Variants in USP7 observed in about 807,000 individuals in gnomAD.
USP7 encodes the protein ubiquitin C-terminal hydrolase 7.
A neutral mutation model predicts 162.9 loss-of-function variants in USP7; 9 were observed. That is an observed-to-expected ratio of 0.06 (90% confidence interval 0.03 to 0.10). USP7 has a LOEUF of 0.10. Among genes scored for constraint, USP7 ranks in the 10% least tolerant of loss-of-function variants. The pLI, the probability that USP7 is intolerant of heterozygous loss-of-function variation, is 1.00. For synonymous variants in USP7, 562 were observed against 475.9 expected, an observed-to-expected ratio of 1.18 and a Z score of -2.35; for missense variants, 715 against 1,373.7, an observed-to-expected ratio of 0.52 and a Z score of 7.58.
At chr16:8,947,548 A>G (rs1293016559) in intron 1 of USP7, among the ~76,000 whole-genome samples, 2 of 152,086 alleles carry the variant, frequency 1.3e-5, no homozygotes, top group African/African-American at 4.8e-5. Context: ...GGGTTTCACC[A>G]TGTTGCCCAG....
intron 1 of USP7, among the ~76,000 whole-genome samples, chr16:8,933,014 C>A (rs1450260764): frequency 6.6e-6 from 1 of 151,858 alleles, no homozygotes; most frequent in African/African-American, 2.4e-5. Context: ...GATCTCGGCT[C>A]ACTGCAACCT....
chr16:8,915,231 C>A (rs748535939), intron 10 of USP7, 23 bp downstream of exon 10: 1 of 1,551,516 alleles, frequency 6.4e-7, no homozygotes, highest in East Asian at 2.2e-5. Context: ...AAGATCATGC[C>A]ATTAGATACA....
In USP7 at chr16:8,958,406, G is replaced by A. The variant is rs565712565; in HGVS notation, c.79+4801C>T. The stretch of plus-strand genomic sequence containing the variant: ...CTGCAGCTGTGCGACTTCCTGTAGA[G>A]AAGGCAGGACACCAAGTCCTTTTCA... On this transcript the variant is annotated intron_variant, in intron 1 of 30. Transcript: ENST00000344836. Among the ~76,000 whole-genome samples the A allele has an allele frequency of 9.2e-5, 14 of 152,368 alleles. No homozygotes were observed. In the East Asian group the frequency reaches 2.7e-3, roughly 29 times the overall value.
Position 8,910,813 on chromosome 16 carries a change from C to A in USP7, c.1093G>T (p.Val365Leu). Residue 365 changes from valine to leucine, a missense_variant, in exon 11 of 31, where the codon GTG becomes TTG. Physicochemically the swap from Val to Leu is conservative, Grantham distance 32. Around this residue, in one of 11 missense-constraint regions of USP7, gnomAD observed 21 missense variants for 23.8 expected, o/e 0.88. Coordinates refer to ENST00000344836, the MANE Select transcript of USP7 (RefSeq NM_003470.3). ...KGKKNIFESF[V>L]DYVAVEQLDG... ...AGCTGTTCTACTGCCACATAATCCA[C>A]AAATGATTCAAATACTTTAAAGAGA... 6.2e-7 allele frequency: 1 copy of A among 1,613,888 alleles called. No individual in the cohort carries two copies. Among genetic ancestry groups the A allele is most frequent in the Non-Finnish European group, 8.5e-7 (1 of 1,179,928 alleles).
chr16:8,923,515 T>A, intron 2 of USP7, 102 bp from the exon 3 acceptor site: 1 of 1,248,820 alleles, frequency 8.0e-7, no homozygotes, highest in Admixed American at 2.5e-5. Context: ...CTGATTTAAC[T>A]GCTAAAACCT....
intron 30 of USP7, 60 bp downstream of exon 30, chr16:8,894,474 TGCCCCTCCCAGCCCCA>T: frequency 6.8e-7 from 1 of 1,478,528 alleles, no homozygotes; most frequent in Non-Finnish European, 9.2e-7. Flanking sequence ...ACCCTGGGGC[TGCCCCTCCCAGCCCCA>T]GACCACTTGT....
At chr16:8,928,601 C>G (rs1898145306) in intron 2 of USP7, among the ~76,000 whole-genome samples, 1 of 152,186 alleles carries the variant, frequency 6.6e-6, no homozygotes. Context: ...CTCCTACAGT[C>G]AGGACCACCT....
At chr16:8,945,150 G>A (rs1899222032) in intron 1 of USP7, among the ~76,000 whole-genome samples, 1 of 152,126 alleles carries the variant, frequency 6.6e-6, no homozygotes, top group Admixed American at 6.5e-5. Context: ...CAGCTACTCA[G>A]GAGGTGGAGG....
chr16:8,937,716 T>A (rs1596401644), intron 1 of USP7, among the ~76,000 whole-genome samples: 1 of 151,582 alleles, frequency 6.6e-6, no homozygotes, highest in African/African-American at 2.4e-5. Context: ...AAGGGAAAAA[T>A]GTCAGCATTA....
rs1398726980 is a variant in USP7, at chr16:8,897,706, A to C, written c.2719-607T>G. Among the ~76,000 whole-genome samples the C allele has an allele frequency of 7.5e-4, 21 of 28,060 alleles. 1 individual carries two copies. The highest frequency in any genetic ancestry group is 1.2e-3 in the Admixed American group (2 of 1,718). The allele number at this position is 28,060 out of a possible 152,430, so 18.4% of individuals were successfully genotyped here. A position where few individuals can be genotyped will look rare whatever the true frequency, so the allele number is the denominator to read the frequency against. On this transcript the variant is annotated intron_variant, in intron 25 of 30. Transcript: ENST00000344836. The stretch of plus-strand genomic sequence containing the variant: ...GTGAGACCCTGTCTCTACAAAAAAA[A>C]AAAAAAAAAAAAAAAAAAAAATATA...
chr16:8,923,476 T>C (rs1897815980), intron 2 of USP7, 63 bp from the exon 3 acceptor site: 23 of 1,557,154 alleles, frequency 1.5e-5, no homozygotes, highest in Non-Finnish European at 1.8e-5. Context: ...CTAGCATTAA[T>C]CGACATGGAG....
Position 8,900,540 on chromosome 16 carries a change from C to A in USP7, c.2299G>T (p.Val767Leu), listed in dbSNP as rs752882692. Residue 767 changes from valine (V) to leucine (L), a missense_variant, in exon 21 of 31, where the codon GTA becomes TTA. This residue lies in a region of USP7 where 222 missense variants were observed against 441.7 expected (regional missense o/e 0.50). Transcript: ENST00000344836. Reference sequence around the variant, plus strand: ...TCACAAAGTACATACTTCTGAAATACTATGATGTCACCATCCATTAGTTCA... The same window carrying A: ...TCACAAAGTACATACTTCTGAAATAATATGATGTCACCATCCATTAGTTCA... Reference protein sequence around the residue: ...LDELMDGDIIVFQKDDPENDN... With the variant: ...LDELMDGDIILFQKDDPENDN... 6.2e-7 allele frequency: 1 copy of A among 1,604,878 alleles called. No homozygotes were observed. The highest frequency in any genetic ancestry group is 1.7e-5 in the Admixed American group (1 of 57,818).
intron 18 of USP7, 164 bp downstream of exon 18, chr16:8,901,918 G>C: frequency 1.5e-6 from 1 of 649,634 alleles, no homozygotes; most frequent in Non-Finnish European, 2.6e-6. Flanking sequence ...TCGCAGCCAA[G>C]TCAGTCTTAT....
intron 1 of USP7, among the ~76,000 whole-genome samples, chr16:8,951,233 G>C (rs919630370): frequency 1.1e-3 from 1 of 940 alleles, no homozygotes; most frequent in Non-Finnish European, 0.014. Flanking sequence ...TGCCTATGAA[G>C]ATGTACATCA....
chr16:8,905,411 A>T, intron 13 of USP7, 80 bp from the exon 14 acceptor site: 1 of 1,560,938 alleles, frequency 6.4e-7, no homozygotes. Flanking sequence ...GTTGTTCTAA[A>T]ATGTGTGAAC....
At chr16:8,928,781 T>A (rs1334787280) in intron 2 of USP7, among the ~76,000 whole-genome samples, 1 of 152,210 alleles carries the variant, frequency 6.6e-6, no homozygotes, top group Admixed American at 6.5e-5. Context: ...TCGGGTCCTA[T>A]GGCGTGGCAC....
chr16:8,927,286 C>T (rs1898063411), intron 2 of USP7, among the ~76,000 whole-genome samples: 1 of 149,918 alleles, frequency 6.7e-6, no homozygotes, highest in African/African-American at 2.5e-5. Context: ...TGCGCCACTG[C>T]ACTCCAGCCT....
At chr16:8,903,430 AGACTT>A in intron 15 of USP7, 28 bp from the exon 16 acceptor site, 1 of 1,605,172 alleles carries the variant, frequency 6.2e-7, no homozygotes, top group Non-Finnish European at 8.5e-7. Flanking sequence ...AGCACAGAAA[AGACTT>A]GACAACTGAC....
At chr16:8,902,606 T>A in intron 16 of USP7, 124 bp from the exon 17 acceptor site, 1 of 832,874 alleles carries the variant, frequency 1.2e-6, no homozygotes, top group Non-Finnish European at 1.8e-6. Flanking sequence ...ACTGTGATCG[T>A]AGGCCAGGTG....
Sources: allele counts gnomAD v4.1 joint callset (sites outside exome capture counted in the v4.1 genomes callset), GRCh38; gene constraint gnomAD v4.1.1; regional missense constraint gnomAD v4.1.1; transcripts MANE v1.5; gene names NCBI Gene and HGNC (gene_info 2026-07-23, HGNC 2026-07-21).